IPCEF1: variants seen among roughly 807,000 people sequenced by gnomAD.
The protein encoded by IPCEF1 is interactor protein for cytohesin exchange factors 1.
In IPCEF1, 31 loss-of-function variants were observed where a neutral mutation model predicts 50.9. The ratio of observed to expected loss-of-function variants is 0.61; its 90% CI spans 0.46 to 0.82. The LOEUF is 0.82. Among genes scored for constraint, IPCEF1 ranks in the 40% least tolerant of loss-of-function variants. The pLI, the probability that IPCEF1 is intolerant of heterozygous loss-of-function variation, is 0.00. For missense variants in IPCEF1, 458 were observed against 514.0 expected, an observed-to-expected ratio of 0.89 and a Z score of 1.05; for synonymous variants, 181 against 192.0, an observed-to-expected ratio of 0.94 and a Z score of 0.47.
intron 2 of IPCEF1, among the ~76,000 whole-genome samples, chr6:154,289,412 A>G (rs1782454779): frequency 6.6e-6 from 1 of 151,882 alleles, no homozygotes; most frequent in African/African-American, 2.4e-5. Context: ...TATAGTTATA[A>G]AGTACTTTGA....
chr6:154,311,518 C>G (rs1441988591), intron 1 of IPCEF1, among the ~76,000 whole-genome samples: 1 of 152,186 alleles, frequency 6.6e-6, no homozygotes, highest in Admixed American at 6.5e-5. Flanking sequence ...GACCACTGGC[C>G]ATGCCCCTCT....
At chr6:154,203,812 G>T (rs1046394313) in intron 9 of IPCEF1, among the ~76,000 whole-genome samples, 2 of 152,054 alleles carry the variant, frequency 1.3e-5, no homozygotes, top group Admixed American at 1.3e-4. Flanking sequence ...CAAAGAATTG[G>T]CCAGAACCAG....
At chr6:154,183,341 T>G (rs1300738200) in intron 10 of IPCEF1, among the ~76,000 whole-genome samples, 1 of 152,218 alleles carries the variant, frequency 6.6e-6, no homozygotes, top group East Asian at 1.9e-4. Flanking sequence ...TCTACTGCAA[T>G]CTATGTACTT....
chr6:154,235,482 G>A (rs370876397), intron 5 of IPCEF1, among the ~76,000 whole-genome samples: 1 of 136,070 alleles, frequency 7.3e-6, no homozygotes, highest in African/African-American at 2.8e-5. Flanking sequence ...AGTCAGCCGA[G>A]ATCGCACCAT....
intron 1 of IPCEF1, among the ~76,000 whole-genome samples, chr6:154,338,808 G>C (rs1783843858): frequency 6.6e-6 from 1 of 152,124 alleles, no homozygotes; most frequent in Non-Finnish European, 1.5e-5. Flanking sequence ...TGTGGTCCCA[G>C]CTACTCAGGA....
chr6:154,201,394 T>C (rs1439689751), intron 9 of IPCEF1, among the ~76,000 whole-genome samples: 1 of 152,218 alleles, frequency 6.6e-6, no homozygotes, highest in African/African-American at 2.4e-5. Context: ...CTTTCTTTAA[T>C]GTCCTATGTA....
intron 9 of IPCEF1, among the ~76,000 whole-genome samples, chr6:154,208,961 C>T (rs916255841): frequency 6.6e-6 from 1 of 152,180 alleles, no homozygotes; most frequent in African/African-American, 2.4e-5. Flanking sequence ...CACTATCAAC[C>T]CTCTGAAACC....
intron 5 of IPCEF1, among the ~76,000 whole-genome samples, chr6:154,240,340 A>C (rs1371817865): frequency 6.6e-6 from 1 of 152,252 alleles, no homozygotes; most frequent in Non-Finnish European, 1.5e-5. Flanking sequence ...TGGGGGAGAA[A>C]GAATATAATA....
At chr6:154,218,622 T>C (rs1778607031) in intron 7 of IPCEF1, among the ~76,000 whole-genome samples, 1 of 152,222 alleles carries the variant, frequency 6.6e-6, no homozygotes, top group Non-Finnish European at 1.5e-5. Context: ...TCATGTGTTA[T>C]TGCAAAGTAA....
intron 10 of IPCEF1, among the ~76,000 whole-genome samples, chr6:154,195,379 C>T (rs1210821118): frequency 2.6e-5 from 4 of 152,014 alleles, no homozygotes; most frequent in Non-Finnish European, 4.4e-5. Flanking sequence ...GATCTCCTGA[C>T]CTTGTGATCC....
intron 1 of IPCEF1, among the ~76,000 whole-genome samples, chr6:154,340,621 C>T (rs575606113): frequency 6.6e-6 from 1 of 151,852 alleles, no homozygotes; most frequent in Non-Finnish European, 1.5e-5. Context: ...CGCGGTGACT[C>T]ACGCCTGTAA....
At chr6:154,347,466 T>A (rs1784053261) in intron 1 of IPCEF1, among the ~76,000 whole-genome samples, 1 of 152,168 alleles carries the variant, frequency 6.6e-6, no homozygotes, top group African/African-American at 2.4e-5. Context: ...AATTAGATAA[T>A]GAATGTAAAG....
intron 2 of IPCEF1, among the ~76,000 whole-genome samples, chr6:154,280,632 G>A (rs1782182301): frequency 6.6e-6 from 1 of 152,180 alleles, no homozygotes; most frequent in Non-Finnish European, 1.5e-5. Flanking sequence ...CTAGATCATA[G>A]TGTTTAGGGA....
intron 7 of IPCEF1, among the ~76,000 whole-genome samples, chr6:154,214,531 G>T (rs977551649): frequency 6.6e-6 from 1 of 152,144 alleles, no homozygotes; most frequent in Non-Finnish European, 1.5e-5. Context: ...GCTAAATTAG[G>T]TATTCCAAAT....
In IPCEF1 at chr6:154,248,492, C is replaced by A. The variant is rs997496259; in HGVS notation, c.37-1004G>T. Among the ~76,000 whole-genome samples the A allele has an allele frequency of 7.2e-5, 11 of 151,972 alleles. No homozygotes were observed. In the East Asian group the frequency reaches 2.1e-3, roughly 29 times the overall value. ...AACGTGTGAAAATGAAAAGCAGTTC[C>A]AAAATTTGGTATGTAATCTTAGTAC... On this transcript the variant is annotated intron_variant, in intron 3 of 11. Coordinates refer to ENST00000367220, the MANE Select transcript of IPCEF1 (RefSeq NM_001130700.2).
intron 10 of IPCEF1, among the ~76,000 whole-genome samples, chr6:154,175,366 AAAATCAGTGAATCC>A (rs1411036485): frequency 1.3e-5 from 2 of 150,280 alleles, no homozygotes; most frequent in Non-Finnish European, 2.9e-5. Flanking sequence ...ACCCTTTAAA[AAAATCAGTGAATCC>A]AGGAGCTTTT....
At chr6:154,186,618 G>A (rs2128575202) in intron 10 of IPCEF1, among the ~76,000 whole-genome samples, 1 of 151,754 alleles carries the variant, frequency 6.6e-6, no homozygotes, top group Non-Finnish European at 1.5e-5. Context: ...GTGCAGTGGT[G>A]CGATCTTGGC....
chr6:154,263,995 C>G (rs536148010), intron 3 of IPCEF1, among the ~76,000 whole-genome samples: 2 of 91,986 alleles, frequency 2.2e-5, no homozygotes, highest in African/African-American at 8.9e-5. Context: ...GCTGGCCGGG[C>G]GGGGGGCTGA....
chr6:154,181,001 G>C (rs1800824219), intron 10 of IPCEF1, among the ~76,000 whole-genome samples: 1 of 151,854 alleles, frequency 6.6e-6, no homozygotes, highest in Non-Finnish European at 1.5e-5. Flanking sequence ...TAGTCATTTG[G>C]GTATTTTGCA....
Sources: gnomAD v4.1 joint callset for allele counts (sites outside exome capture counted in the v4.1 genomes callset) on GRCh38, gnomAD v4.1.1 for gene constraint, MANE v1.5 for transcripts, NCBI Gene and HGNC (gene_info 2026-07-23, HGNC 2026-07-21) for gene names.